Variants in AZGP1 observed in about 807,000 individuals in gnomAD.
The protein encoded by AZGP1 is alpha-2-glycoprotein 1, zinc-binding, also known as zinc-alpha-2-glycoprotein.
Under a neutral mutation model 31.5 loss-of-function variants are expected in AZGP1, and 28 were observed. The observed-to-expected ratio is 0.89, with a 90% CI of 0.66 to 1.22. The LOEUF is 1.22. AZGP1 is among the 50% of genes most tolerant of loss of function. The pLI is 0.00. For missense variants in AZGP1, 361 were observed against 371.8 expected, an observed-to-expected ratio of 0.97 and a Z score of 0.24; for synonymous variants, 135 against 145.4, an observed-to-expected ratio of 0.93 and a Z score of 0.51.
At chr7:99,967,983 G>T in intron 3 of AZGP1, 172 bp downstream of exon 3, 1 of 969,334 alleles carries the variant, frequency 1.0e-6, no homozygotes, top group Non-Finnish European at 1.5e-6. Context: ...TGTTCTTTTT[G>T]GACCACAAAT....
chr7:99,971,883 T>A lies in AZGP1; in HGVS notation c.200A>T (p.Lys67Met). The change falls in exon 2 of 4, where the codon AAG (lysine) becomes ATG (methionine). Residue 67 changes from lysine (K) to methionine (M), a missense_variant. Lys to Met is a moderately conservative substitution (Grantham distance 95, BLOSUM62 -1). Transcript: ENST00000292401. ...QFFRYNSKDRKSQPMGLWRQV... is the reference protein window; with the variant it reads ...QFFRYNSKDRMSQPMGLWRQV... ...TCTCCAGAGTCCCATGGGCTGAGAC[T>A]TCCTGTCTTTACTGTTGTATCTAAA... 1 of 1,614,224 alleles carries A rather than the reference T, an allele frequency of 6.2e-7. No homozygotes were observed.
intron 2 of AZGP1, among the ~76,000 whole-genome samples, chr7:99,969,371 T>C (rs937884002): frequency 6.7e-6 from 1 of 150,058 alleles, no homozygotes; most frequent in Non-Finnish European, 1.5e-5. Flanking sequence ...ATGGAGCCAT[T>C]GTACATCAGC....
Position 99,971,904 on chromosome 7 carries a change from C to A in AZGP1, c.179G>T (p.Arg60Ile). ...LGSLNDLQFFRYNSKDRKSQP... is the reference protein window; with the variant it reads ...LGSLNDLQFFIYNSKDRKSQP... ...AGACTTCCTGTCTTTACTGTTGTATCTAAAGAACTGGAGGTCATTGAGTGA... is the reference window on the plus strand; with the variant it reads ...AGACTTCCTGTCTTTACTGTTGTATATAAAGAACTGGAGGTCATTGAGTGA... The change falls in exon 2 of 4, where the codon AGA (arginine) becomes ATA (isoleucine). Residue 60 changes from arginine (R) to isoleucine (I), a missense_variant. Coordinates refer to ENST00000292401, the MANE Select transcript of AZGP1 (RefSeq NM_001185.4). 6.2e-7 allele frequency: 1 copy of A among 1,614,122 alleles called. No individual in the cohort carries two copies. The highest frequency in any genetic ancestry group is 1.1e-5 in the South Asian group (1 of 91,084).
intron 2 of AZGP1, among the ~76,000 whole-genome samples, chr7:99,971,183 T>TG (rs1360679299): frequency 6.6e-6 from 1 of 152,256 alleles, no homozygotes; most frequent in Non-Finnish European, 1.5e-5. Context: ...TGCTAGGTGA[T>TG]GGAGCTGCAA....
intron 2 of AZGP1, among the ~76,000 whole-genome samples, chr7:99,969,580 CA>C (rs34935399): frequency 1.7e-3 from 234 of 135,422 alleles, no homozygotes; most frequent in Non-Finnish European, 1.5e-3. Context: ...AACTCCATCT[CA>C]AAAAAAAAAA....
intron 3 of AZGP1, chr7:99,967,865 C>G (rs1393861937): frequency 1.7e-6 from 1 of 591,800 alleles, no homozygotes; most frequent in Non-Finnish European, 3.0e-6. Flanking sequence ...ACAGTGTTAC[C>G]CTCACCTCCC....
At position 99,975,883 on chromosome 7, in the gene AZGP1, T is replaced by C. The variant is rs561881591; in HGVS notation, c.76+62A>G. On this transcript the variant is annotated intron_variant, in intron 1 of 3. Coordinates refer to ENST00000292401, the MANE Select transcript of AZGP1 (RefSeq NM_001185.4). ...GCATCCAGCCTGTCTCCCAGCCACA[T>C]GTCCTGTTCCTCACCTCCTTCCAGT... The C allele has an allele frequency of 3.2e-6, 5 of 1,579,288 alleles. No individual in the cohort carries two copies. The South Asian group carries it at 3.3e-5, about 11-fold the overall frequency.
intron 1 of AZGP1, among the ~76,000 whole-genome samples, chr7:99,975,502 T>C (rs938679863): frequency 5.9e-5 from 9 of 152,116 alleles, no homozygotes; most frequent in African/African-American, 2.4e-5. Flanking sequence ...GGGCACGGGT[T>C]TCCTTCTAGC....
At chr7:99,969,350 A>C (rs1789544192) in intron 2 of AZGP1, among the ~76,000 whole-genome samples, 1 of 151,412 alleles carries the variant, frequency 6.6e-6, no homozygotes, top group Non-Finnish European at 1.5e-5. Context: ...CAGAAGTTGT[A>C]GTGAGCCGAG....
chr7:99,967,190 A>G lies in AZGP1; in HGVS notation c.710T>C (p.Val237Ala). The G allele has an allele frequency of 6.2e-7, 1 of 1,614,038 alleles. No individual in the cohort carries two copies. The highest frequency in any genetic ancestry group is 8.5e-7 in the Non-Finnish European group (1 of 1,179,982). ...AYDFYPGKID[V>A]HWTRAGEVQE... ...CACCTCGCCGGCCCGAGTCCAGTGC[A>G]CATCAATTTTCCCTGGGTAGAAGTC... Residue 237 changes from valine to alanine, a missense_variant, in exon 4 of 4, where the codon GTG becomes GCG. By Grantham distance (64) the Val-to-Ala change is moderately conservative. Transcript: ENST00000292401.
chr7:99,974,809 A>C (rs1304405152), intron 1 of AZGP1, among the ~76,000 whole-genome samples: 4 of 152,054 alleles, frequency 2.6e-5, no homozygotes, highest in African/African-American at 9.7e-5. Context: ...TTTAATTTAC[A>C]AAAAAATCAG....
At chr7:99,967,997 A>G (rs539484935) in intron 3 of AZGP1, 158 bp downstream of exon 3, 1 of 1,048,548 alleles carries the variant, frequency 9.5e-7, no homozygotes, top group South Asian at 1.4e-5. Flanking sequence ...CACAAATTAT[A>G]TTATCCCAGG....
chr7:99,970,215 T>C (rs1200080722), intron 2 of AZGP1, among the ~76,000 whole-genome samples: 2 of 150,048 alleles, frequency 1.3e-5, no homozygotes, highest in African/African-American at 2.5e-5. Flanking sequence ...GCTCAGTAAA[T>C]GTCAGCTACT....
intron 1 of AZGP1, among the ~76,000 whole-genome samples, chr7:99,973,772 C>T (rs1267807752): frequency 3.3e-5 from 5 of 151,258 alleles, no homozygotes; most frequent in South Asian, 2.1e-4. Context: ...ATAAATTAGC[C>T]GGGCGTGGTG....
chr7:99,972,156 G>A (rs559172653), intron 1 of AZGP1, 150 bp from the exon 2 acceptor site: 1 of 839,036 alleles, frequency 1.2e-6, no homozygotes, highest in Non-Finnish European at 1.8e-6. Context: ...GCTCACTCAA[G>A]TGAATATGCT....
At chr7:99,975,682 C>T (rs1789649545) in intron 1 of AZGP1, among the ~76,000 whole-genome samples, 2 of 152,250 alleles carry the variant, frequency 1.3e-5, no homozygotes, top group African/African-American at 2.4e-5. Context: ...CCAAGCAGGT[C>T]GCTTGGTCTT....
chr7:99,973,699 T>A (rs1789614503), intron 1 of AZGP1, among the ~76,000 whole-genome samples: 1 of 151,082 alleles, frequency 6.6e-6, no homozygotes, highest in Non-Finnish European at 1.5e-5. Flanking sequence ...GTGGGTCACT[T>A]GAGGTCAGGA....
In AZGP1 at chr7:99,968,225, G is replaced by A. The variant is rs754149950; in HGVS notation, c.543C>T (p.Tyr181=). 4.3e-6 allele frequency: 7 copies of A among 1,613,730 alleles called. No individual in the cohort carries two copies. In the African/African-American group the frequency reaches 6.7e-5, roughly 15 times the overall value. ...EPVYVQRAKA[Y]LEEECPATLR... ...GAGTCGCAGGGCACTCCTCCTCCAGGTAAGCCTTGGCCCGCTGCACGTAGA... is the reference window on the plus strand; with the variant it reads ...GAGTCGCAGGGCACTCCTCCTCCAGATAAGCCTTGGCCCGCTGCACGTAGA... The change falls in exon 3 of 4, where the codon TAC becomes TAT. Residue 181 remains tyrosine (Y), a synonymous_variant. Coordinates refer to ENST00000292401, the MANE Select transcript of AZGP1 (RefSeq NM_001185.4).
intron 1 of AZGP1, 129 bp downstream of exon 1, chr7:99,975,816 C>A: frequency 1.0e-6 from 1 of 980,420 alleles, no homozygotes; most frequent in Non-Finnish European, 1.6e-6. Flanking sequence ...GAGTTGACAG[C>A]CTTGGGCACC....
Sources: allele counts gnomAD v4.1 joint callset (sites outside exome capture counted in the v4.1 genomes callset), GRCh38; gene constraint gnomAD v4.1.1; transcripts MANE v1.5; gene names NCBI Gene and HGNC (gene_info 2026-07-23, HGNC 2026-07-21).